The following EIPR1 variants were observed in gnomAD, a reference collection of about 807,000 sequenced individuals.
EIPR1 encodes EARP and GARP complex-interacting protein 1.
A neutral mutation model predicts 48.1 loss-of-function variants in EIPR1; 25 were observed. That is an observed-to-expected ratio of 0.52 (90% CI 0.38 to 0.73). The LOEUF is 0.73. EIPR1 is among the 30% of genes least tolerant of loss of function. EIPR1 has a pLI of 0.00. For synonymous variants in EIPR1, 204 were observed against 201.9 expected, an observed-to-expected ratio of 1.01 and a Z score of -0.09; for missense variants, 415 against 506.2, an observed-to-expected ratio of 0.82 and a Z score of 1.73.
chr2:3,205,199 A>AC (rs755777770), intron 5 of EIPR1, among the ~76,000 whole-genome samples: 4 of 152,148 alleles, frequency 2.6e-5, no homozygotes, highest in Non-Finnish European at 5.9e-5. Flanking sequence ...TGACCATCCC[A>AC]CCCTGAGCCC....
At chr2:3,274,355 G>T in intron 3 of EIPR1, 1 of 1,550,498 alleles carries the variant, frequency 6.4e-7, no homozygotes, top group African/African-American at 1.4e-5. Flanking sequence ...CCAGTGCTAT[G>T]AACAGTTGGG....
intron 3 of EIPR1, among the ~76,000 whole-genome samples, chr2:3,277,571 C>A (rs6761424): frequency 2.0e-5 from 3 of 152,030 alleles, no homozygotes. Context: ...GTGAACAACC[C>A]CAGGCCGTGG....
At chr2:3,320,668 T>C (rs1669500259) in intron 3 of EIPR1, 1 of 152,202 alleles carries the variant, frequency 6.6e-6, no homozygotes, top group Non-Finnish European at 1.5e-5. Context: ...CAAACAGAAC[T>C]CAGGTGAATT....
At chr2:3,326,521 C>T (rs1471635410) in intron 3 of EIPR1, among the ~76,000 whole-genome samples, 5 of 152,176 alleles carry the variant, frequency 3.3e-5, no homozygotes, top group Admixed American at 2.6e-4. Flanking sequence ...ACATCTAGCT[C>T]CCCTTTTTAA....
rs1664637291 is a variant in EIPR1 at position 3,192,429 on chromosome 2, T to C, written c.974A>G (p.His325Arg). The part of the protein sequence containing the change: ...DDDDISDQED[H>R]RSEEKSKEPL... Reference sequence around the variant, plus strand: ...GTGCCCTTACTTCTCTTCAGAACGGTGGTCCTCCTGGTCACTGATGTCATC... The same window carrying C: ...GTGCCCTTACTTCTCTTCAGAACGGCGGTCCTCCTGGTCACTGATGTCATC... Residue 325 changes from histidine to arginine, a missense_variant, in exon 8 of 9, where the codon CAC becomes CGC. By Grantham distance (29) the His-to-Arg change is conservative. Transcript: ENST00000382125. The C allele has an allele frequency of 1.9e-6, 3 of 1,611,208 alleles. No homozygotes were observed. The highest frequency in any genetic ancestry group is 2.2e-5 in the South Asian group (2 of 90,656).
chr2:3,305,254 G>A (rs374436344), intron 3 of EIPR1, among the ~76,000 whole-genome samples: 10 of 123,048 alleles, frequency 8.1e-5, no homozygotes, highest in African/African-American at 2.9e-4. Flanking sequence ...TTCCACTCCC[G>A]TACAGTTCAG....
intron 4 of EIPR1, among the ~76,000 whole-genome samples, chr2:3,239,087 C>T (rs6548144): frequency 0.91 from 139,262 of 152,258 alleles, 64,177 homozygotes; most frequent in East Asian, 0.98. Context: ...AAGGATGGGA[C>T]GCAACCTGGC....
intron 3 of EIPR1, among the ~76,000 whole-genome samples, chr2:3,263,600 C>T (rs1435586096): frequency 1.3e-5 from 2 of 152,226 alleles, no homozygotes; most frequent in African/African-American, 4.8e-5. Context: ...CTAGGTGAGC[C>T]GGGTTCATGC....
At chr2:3,221,852 A>AT (rs1477427312) in intron 4 of EIPR1, among the ~76,000 whole-genome samples, 1 of 152,248 alleles carries the variant, frequency 6.6e-6, no homozygotes, top group African/African-American at 2.4e-5. Context: ...ACTCTAGAGC[A>AT]TTTATAGAGT....
chr2:3,215,003 A>G (rs796589942), intron 4 of EIPR1, among the ~76,000 whole-genome samples: 13 of 152,318 alleles, frequency 8.5e-5, no homozygotes, highest in African/African-American at 2.9e-4. Flanking sequence ...AGCTGTCTAC[A>G]CATCAGTAAG....
intron 3 of EIPR1, among the ~76,000 whole-genome samples, chr2:3,295,266 CCA>C (rs1558280149): frequency 1.1e-4 from 11 of 102,992 alleles, no homozygotes; most frequent in South Asian, 3.8e-4. Context: ...CGTCCTCTCT[CCA>C]CACACACCCT....
chr2:3,368,617 T>C (rs940431023), intron 1 of EIPR1, among the ~76,000 whole-genome samples: 7 of 152,220 alleles, frequency 4.6e-5, no homozygotes, highest in Admixed American at 3.3e-4. Context: ...AGAAGATCTA[T>C]TAATGTCAAA....
In EIPR1 at chr2:3,195,253, C is replaced by A. The variant is rs571514345; in HGVS notation, c.654-1087G>T. Reference sequence around the variant, plus strand: ...GAACCCATGGCCTGGCGCTGCCCAGCAGCTCCTACCTGCACGGCCTCCCCA... The same window carrying A: ...GAACCCATGGCCTGGCGCTGCCCAGAAGCTCCTACCTGCACGGCCTCCCCA... On this transcript the variant is annotated intron_variant, in intron 6 of 8. Transcript: ENST00000382125. Among the ~76,000 whole-genome samples the A allele has an allele frequency of 1.2e-4, 19 of 152,242 alleles. 1 individual carries two copies. Among genetic ancestry groups the A allele is most frequent in the African/African-American group, 3.9e-4 (16 of 41,464 alleles).
Position 3,194,082 on chromosome 2 carries a change from G to A in EIPR1, c.738C>T (p.Ser246=). The A allele has an allele frequency of 6.2e-7, 1 of 1,613,952 alleles. No individual in the cohort carries two copies. The highest frequency in any genetic ancestry group is 1.1e-5 in the South Asian group (1 of 91,086). The change falls in exon 7 of 9, where the codon AGC becomes AGT. Residue 246 remains serine (S), a synonymous_variant. Transcript: ENST00000382125. ...ACTTCACCTTACAGTCGTCTCCGCA[G>A]CTGGCCAAGTAGTACTGCTTATTGG... ...FNPNKQYYLA[S]CGDDCKVKFW... is the part of the protein sequence containing the mutation.
At chr2:3,298,490 G>A (rs979682457) in intron 3 of EIPR1, 2 of 151,984 alleles carry the variant, frequency 1.3e-5, no homozygotes, top group Non-Finnish European at 1.5e-5. Context: ...TCAGAAGGGA[G>A]TTATGGCCTC....
At position 3,350,958 on chromosome 2, in the gene EIPR1, A is replaced by AC. The variant is rs1025086607; in HGVS notation, c.126+3591_126+3592insG. ...GTTACTTCGTTCCAAAAAAAAAAAAAAAAACAAATTAAGGTAGATTAAAAC... is the reference window on the plus strand; with the variant it reads ...GTTACTTCGTTCCAAAAAAAAAAAAACAAAACAAATTAAGGTAGATTAAAAC... On this transcript the variant is annotated intron_variant, in intron 2 of 8. Transcript: ENST00000382125. Among the ~76,000 whole-genome samples, 4 of 151,366 alleles carry AC rather than the reference A, an allele frequency of 2.6e-5. No individual in the cohort carries two copies. The East Asian group carries it at 5.8e-4, about 22-fold the overall frequency.
At chr2:3,297,832 G>T (rs542958827) in intron 3 of EIPR1, among the ~76,000 whole-genome samples, 74 of 152,126 alleles carry the variant, frequency 4.9e-4, no homozygotes, top group Non-Finnish European at 8.4e-4. Flanking sequence ...TTTTTTGTTC[G>T]TTTGTTTGAG....
chr2:3,356,792 G>T (rs889106565), intron 1 of EIPR1, among the ~76,000 whole-genome samples: 3 of 152,210 alleles, frequency 2.0e-5, no homozygotes, highest in African/African-American at 4.8e-5. Flanking sequence ...GGTGAGGCAG[G>T]AGAACAGGGT....
intron 4 of EIPR1, among the ~76,000 whole-genome samples, chr2:3,237,940 G>A (rs1476669315): frequency 2.0e-5 from 3 of 152,134 alleles, no homozygotes; most frequent in African/African-American, 7.2e-5. Context: ...GCCCTCCACG[G>A]GGATTTGAGA....
Sources: allele counts gnomAD v4.1 joint callset (sites outside exome capture counted in the v4.1 genomes callset), GRCh38; gene constraint gnomAD v4.1.1; transcripts MANE v1.5; gene names NCBI Gene and HGNC (gene_info 2026-07-23, HGNC 2026-07-21).